The following VDAC1 variants were observed in gnomAD, a reference collection of about 807,000 sequenced individuals.
VDAC1 encodes non-selective voltage-gated ion channel VDAC1.
VDAC1 carries 10 observed loss-of-function variants against 34.7 expected under a neutral mutation model. The observed-to-expected ratio is 0.29, with a 90% CI of 0.18 to 0.49. The LOEUF is 0.49. Among genes scored for constraint, VDAC1 ranks in the 20% least tolerant of loss-of-function variants. The pLI, the probability that VDAC1 is intolerant of heterozygous loss-of-function variation, is 0.99. For synonymous variants in VDAC1, 130 were observed against 136.0 expected (o/e 0.96, Z 0.30); for missense variants, 230 against 347.9 (o/e 0.66, Z 2.69).
chr5:133,993,982 C>T (rs1037854599), intron 1 of VDAC1, among the ~76,000 whole-genome samples: 26 of 152,306 alleles, frequency 1.7e-4, no homozygotes, highest in African/African-American at 6.3e-4. Context: ...TCTCCTGCAC[C>T]TTCTCCATCC....
At chr5:133,997,820 T>C (rs963353608) in intron 1 of VDAC1, among the ~76,000 whole-genome samples, 10 of 151,842 alleles carry the variant, frequency 6.6e-5, no homozygotes, top group South Asian at 2.1e-4. Flanking sequence ...TCCCAGCACT[T>C]TGGGAGGCCG....
the VDAC1 span, among the ~76,000 whole-genome samples, chr5:134,104,323 C>T: frequency 1.3e-5 from 2 of 152,198 alleles, no homozygotes; most frequent in Admixed American, 6.5e-5. Context: ...TCAGTGGGTG[C>T]AGGGGTGCTG....
the VDAC1 span, among the ~76,000 whole-genome samples, chr5:134,020,576 C>A: frequency 1.3e-5 from 2 of 152,092 alleles, no homozygotes; most frequent in Admixed American, 6.5e-5. Context: ...AGGCCCTGGG[C>A]CATATAACCT....
chr5:134,107,348 C>A, the VDAC1 span, among the ~76,000 whole-genome samples: 1 of 152,380 alleles, frequency 6.6e-6, no homozygotes, highest in African/African-American at 2.4e-5. Flanking sequence ...TGCAGCCCGG[C>A]CGGGCCATGG....
At chr5:134,076,387 TCAGC>T in the VDAC1 span, among the ~76,000 whole-genome samples, 297 of 152,350 alleles carry the variant, frequency 1.9e-3, 1 homozygote, top group African/African-American at 7.0e-3. Context: ...TTCTGCAAGG[TCAGC>T]CTTCACTGTC....
At chr5:134,013,649 A>G in the VDAC1 span, among the ~76,000 whole-genome samples, 1 of 152,224 alleles carries the variant, frequency 6.6e-6, no homozygotes, top group East Asian at 1.9e-4. Context: ...CCCCATTAAA[A>G]AGTGGGCAGA....
chr5:133,980,634 T>TAA (rs55708320), intron 6 of VDAC1, 95 bp downstream of exon 6: 59,395 of 574,744 alleles, frequency 0.1, 1,083 homozygotes, highest in South Asian at 0.13. Context: ...TGGGCTTTCT[T>TAA]AAAAAAAAAA....
chr5:134,111,477 A>G, the VDAC1 span, among the ~76,000 whole-genome samples: 1 of 152,130 alleles, frequency 6.6e-6, no homozygotes. Context: ...CCCAGTGTCT[A>G]TCATCTGTGT....
the VDAC1 span, among the ~76,000 whole-genome samples, chr5:134,086,315 G>T: frequency 6.6e-6 from 1 of 152,214 alleles, no homozygotes; most frequent in African/African-American, 2.4e-5. Flanking sequence ...TTCCTACTGT[G>T]ATGTAATGGC....
the VDAC1 span, among the ~76,000 whole-genome samples, chr5:134,071,519 G>A: frequency 3.9e-5 from 6 of 152,158 alleles, no homozygotes; most frequent in Non-Finnish European, 8.8e-5. The surrounding 1 kb of genome is among the most constrained non-coding windows in gnomAD (Gnocchi z 4.1). Flanking sequence ...CTCAGCCTCC[G>A]GCACTTTTGG....
At chr5:134,001,895 A>C (rs546418865) in intron 1 of VDAC1, among the ~76,000 whole-genome samples, 1 of 152,048 alleles carries the variant, frequency 6.6e-6, no homozygotes. Flanking sequence ...AAACCCCCTG[A>C]GTACGTGGTA....
chr5:133,978,384 G>A (rs947991003), intron 6 of VDAC1, among the ~76,000 whole-genome samples: 1 of 151,944 alleles, frequency 6.6e-6, no homozygotes, highest in African/African-American at 2.4e-5. Context: ...TGATCCTCCC[G>A]CCTCAGCCTC....
At chr5:134,032,294 A>G in the VDAC1 span, among the ~76,000 whole-genome samples, 1 of 152,064 alleles carries the variant, frequency 6.6e-6, no homozygotes, top group Non-Finnish European at 1.5e-5. Flanking sequence ...GTCAAGTTAA[A>G]CCATTTCAGA....
chr5:134,059,877 G>A, the VDAC1 span, among the ~76,000 whole-genome samples: 1 of 146,086 alleles, frequency 6.8e-6, no homozygotes, highest in African/African-American at 2.4e-5. Context: ...ACGCAGAGAG[G>A]CACAAACAGC....
At chr5:134,057,272 G>A in the VDAC1 span, among the ~76,000 whole-genome samples, 1 of 152,100 alleles carries the variant, frequency 6.6e-6, no homozygotes, top group Non-Finnish European at 1.5e-5. Flanking sequence ...TTGAGGTCAG[G>A]AGTTGGAGAC....
the VDAC1 span, among the ~76,000 whole-genome samples, chr5:134,043,801 G>C: frequency 6.6e-6 from 1 of 152,080 alleles, no homozygotes; most frequent in African/African-American, 2.4e-5. Context: ...TCAAAGTGCT[G>C]GGACTACAGG....
At chr5:134,007,559 C>G (rs745495650), upstream of VDAC1, among the ~76,000 whole-genome samples, 5 of 152,188 alleles carry the variant, frequency 3.3e-5, no homozygotes, top group Non-Finnish European at 7.3e-5. Flanking sequence ...AGCCCCACCT[C>G]CATTCCATCT....
At chr5:133,973,370 T>C (rs1343028395) in intron 8 of VDAC1, among the ~76,000 whole-genome samples, 2 of 152,224 alleles carry the variant, frequency 1.3e-5, no homozygotes, top group East Asian at 3.8e-4. Context: ...AAAGTGGTTA[T>C]ACACTAGAAC....
the VDAC1 span, among the ~76,000 whole-genome samples, chr5:134,094,570 G>A: frequency 1.1e-3 from 161 of 152,186 alleles, 1 homozygote; most frequent in East Asian, 0.029. Flanking sequence ...GGCGGCGGAC[G>A]CCTGTAGTCC....
Sources: allele counts gnomAD v4.1 joint callset (sites outside exome capture counted in the v4.1 genomes callset), GRCh38; gene constraint gnomAD v4.1.1; non-coding constraint Gnocchi (gnomAD v3.1); transcripts MANE v1.5; gene names NCBI Gene and HGNC (gene_info 2026-07-23, HGNC 2026-07-21).